Variants in CDK5RAP2 observed in about 807,000 individuals in gnomAD.
CDK5RAP2 encodes the protein CDK5 regulatory subunit associated protein 2, also known as CDK5 regulatory subunit-associated protein 2.
In CDK5RAP2, 147 loss-of-function variants were observed where a neutral mutation model predicts 232.9. That is an observed-to-expected ratio of 0.63 (90% CI 0.55 to 0.72). The LOEUF (loss-of-function observed/expected upper bound fraction) is 0.72. Among genes scored for constraint, CDK5RAP2 ranks in the 30% least tolerant of loss-of-function variants. CDK5RAP2 has a pLI of 0.00. For missense variants in CDK5RAP2, 2,195 were observed against 2,231.5 expected (o/e 0.98, Z 0.33); for synonymous variants, 833 against 833.7 (o/e 1.00, Z 0.01).
chr9:120,507,683 C>G (rs1015376654), intron 12 of CDK5RAP2, among the ~76,000 whole-genome samples: 4 of 151,632 alleles, frequency 2.6e-5, no homozygotes, highest in Non-Finnish European at 1.5e-5. Flanking sequence ...TGCTTCTGAA[C>G]AAAGGGTTTA....
At chr9:120,477,281 G>A in intron 15 of CDK5RAP2, 69 bp downstream of exon 15, 1 of 1,094,378 alleles carries the variant, frequency 9.1e-7, no homozygotes, top group Non-Finnish European at 1.4e-6. Context: ...GAAAGGGTGT[G>A]TGCGTGTATG....
At chr9:120,555,138 G>A (rs1564373010) in intron 3 of CDK5RAP2, among the ~76,000 whole-genome samples, 1 of 150,456 alleles carries the variant, frequency 6.6e-6, no homozygotes, top group South Asian at 2.1e-4. Context: ...ATTTTTTTGG[G>A]GGGGGGTGGG....
intron 36 of CDK5RAP2, among the ~76,000 whole-genome samples, chr9:120,393,575 C>G (rs907106041): frequency 1.3e-5 from 2 of 152,228 alleles, no homozygotes; most frequent in Non-Finnish European, 2.9e-5. Context: ...GACAGGGAAA[C>G]TGACACACAG....
rs1310829573 is a variant in CDK5RAP2 at position 120,460,610 on chromosome 9, T to C, written c.2164A>G (p.Asn722Asp). 1 of 1,614,144 alleles carries C rather than the reference T, an allele frequency of 6.2e-7. No homozygotes were observed. The highest frequency in any genetic ancestry group is 1.7e-5 in the Admixed American group (1 of 60,018). Residue 722 changes from asparagine to aspartate, a missense_variant, in exon 19 of 38, where the codon AAT (asparagine) becomes GAT (aspartate). Physicochemically the swap from Asn to Asp is conservative, Grantham distance 23. Transcript: ENST00000349780. ...TIKIGEDDEI[N>D]FLSDQHLQQS... is the part of the protein sequence containing the mutation. ...TGCAAATGCTGGTCACTCAGGAAATTAATCTCGTCATCCTCCCCAATTTTG... is the reference window on the plus strand; with the variant it reads ...TGCAAATGCTGGTCACTCAGGAAATCAATCTCGTCATCCTCCCCAATTTTG...
In CDK5RAP2 at chr9:120,417,554, A is replaced by G. The variant is rs114562917; in HGVS notation, c.4177+2234T>C. 8.3e-3 allele frequency among the ~76,000 whole-genome samples: 1,270 copies of G among 152,360 alleles called. 17 individuals carry two copies. Among genetic ancestry groups the G allele is most frequent in the African/African-American group, 0.029 (1,206 of 41,576 alleles). ...TGAGAAGGGGACATAAATGCTTAGCAGCAATCGAAACATGCCATCTTCCAC... is the reference window on the plus strand; with the variant it reads ...TGAGAAGGGGACATAAATGCTTAGCGGCAATCGAAACATGCCATCTTCCAC... On this transcript the variant is annotated intron_variant, in intron 27 of 37. Coordinates refer to ENST00000349780, the MANE Select transcript of CDK5RAP2 (RefSeq NM_018249.6).
intron 31 of CDK5RAP2, 107 bp downstream of exon 31, chr9:120,408,240 G>A: frequency 7.5e-7 from 1 of 1,329,952 alleles, no homozygotes; most frequent in East Asian, 2.3e-5. Flanking sequence ...TACCCACAAG[G>A]CCAGAGTGGA....
At chr9:120,511,733 T>C (rs1055793425) in intron 12 of CDK5RAP2, among the ~76,000 whole-genome samples, 10 of 147,182 alleles carry the variant, frequency 6.8e-5, no homozygotes, top group African/African-American at 2.5e-4. Flanking sequence ...TATCACAACA[T>C]GCTTTTTTTT....
chr9:120,530,555 A>G lies in CDK5RAP2; in HGVS notation c.663-415T>C, dbSNP rs561891066. On this transcript the variant is annotated intron_variant, in intron 7 of 37. Transcript: ENST00000349780. ...GTGGAAAAAACGGAATGTCTTGCCA[A>G]GACTTCTCAGGGCAAAGTTTAAAAA... is the stretch of plus-strand genomic sequence containing the variant. Among the ~76,000 whole-genome samples the G allele has an allele frequency of 1.1e-3, 164 of 152,326 alleles. 2 individuals are homozygous for G. The highest frequency in any genetic ancestry group is 3.6e-3 in the African/African-American group (151 of 41,578).
intron 14 of CDK5RAP2, among the ~76,000 whole-genome samples, chr9:120,486,908 C>T (rs931698258): frequency 2.0e-5 from 3 of 152,114 alleles, no homozygotes; most frequent in Non-Finnish European, 2.9e-5. Flanking sequence ...TTGCTGGCGA[C>T]GAAAGAAAAT....
At chr9:120,483,300 G>C (rs889438570) in intron 14 of CDK5RAP2, among the ~76,000 whole-genome samples, 1 of 152,238 alleles carries the variant, frequency 6.6e-6, no homozygotes, top group Non-Finnish European at 1.5e-5. Context: ...TCCTTTGTGA[G>C]CCAGGCCCTC....
intron 37 of CDK5RAP2, 152 bp from the exon 38 acceptor site, chr9:120,389,444 A>G (rs1461471225): frequency 4.2e-6 from 3 of 709,198 alleles, no homozygotes; most frequent in Admixed American, 4.1e-5. Flanking sequence ...AACAACGATG[A>G]GATCATACTG....
At chr9:120,540,839 C>A (rs749159041) in intron 5 of CDK5RAP2, among the ~76,000 whole-genome samples, 1 of 152,256 alleles carries the variant, frequency 6.6e-6, no homozygotes, top group Non-Finnish European at 1.5e-5. Context: ...CCTCTGAGGC[C>A]CACACAGCAC....
intron 12 of CDK5RAP2, among the ~76,000 whole-genome samples, chr9:120,499,742 T>C (rs1171384285): frequency 6.6e-6 from 1 of 152,132 alleles, no homozygotes; most frequent in East Asian, 1.9e-4. Context: ...TTAACAGAAT[T>C]CTAAAGCTAA....
In CDK5RAP2 at chr9:120,411,374, G is replaced by A. The variant is rs765853455; in HGVS notation, c.4398C>T (p.Leu1466=). The change falls in exon 29 of 38, where the codon CTC becomes CTT. Residue 1466 remains leucine, a synonymous_variant. Transcript: ENST00000349780. ...AACTCTTACCTCTGGATCCTTTAAT[G>A]AGCATTGCATTGAGGGCCTGGTTCT... ...RKQNQALNAM[L]IKGSRDKQKE... 3 of 1,596,092 alleles carry A rather than the reference G, an allele frequency of 1.9e-6. No individual in the cohort carries two copies. Among genetic ancestry groups the A allele is most frequent in the Non-Finnish European group, 1.7e-6 (2 of 1,163,680 alleles).
chr9:120,436,935 A>T lies in CDK5RAP2; in HGVS notation c.3955+360T>A, dbSNP rs540404315. Among the ~76,000 whole-genome samples, 101 of 152,326 alleles carry T rather than the reference A, an allele frequency of 6.6e-4. 2 individuals are homozygous for T. Among genetic ancestry groups the T allele is most frequent in the African/African-American group, 1.5e-3 (63 of 41,570 alleles). On this transcript the variant is annotated intron_variant, in intron 25 of 37. Coordinates refer to ENST00000349780, the MANE Select transcript of CDK5RAP2 (RefSeq NM_018249.6). Reference sequence around the variant, plus strand: ...TAAAACACATGAGTTTTCACAAAAAAAAATAAATAAATAAAAAATCCCATC... The same window carrying T: ...TAAAACACATGAGTTTTCACAAAAATAAATAAATAAATAAAAAATCCCATC...
At chr9:120,570,684 C>T (rs974626904) in intron 2 of CDK5RAP2, among the ~76,000 whole-genome samples, 1 of 151,418 alleles carries the variant, frequency 6.6e-6, no homozygotes, top group Non-Finnish European at 1.5e-5. Context: ...ACTAAAAATA[C>T]AAAAATTAGC....
chr9:120,502,569 C>T (rs2039624775), intron 12 of CDK5RAP2, among the ~76,000 whole-genome samples: 1 of 152,214 alleles, frequency 6.6e-6, no homozygotes, highest in Non-Finnish European at 1.5e-5. Context: ...TACTAACGTG[C>T]CACATTTCTC....
At chr9:120,536,572 G>C in intron 6 of CDK5RAP2, 46 bp from the exon 7 acceptor site, 1 of 1,577,434 alleles carries the variant, frequency 6.3e-7, no homozygotes, top group African/African-American at 1.3e-5. Flanking sequence ...CAATACAATT[G>C]GGAACATTTT....
Position 120,389,305 on chromosome 9 carries a change from AG to A in CDK5RAP2, c.5626-14del, listed in dbSNP as rs779838294. 1.2e-6 allele frequency: 2 copies of A among 1,609,366 alleles called. No homozygotes were observed. The highest frequency in any genetic ancestry group is 1.1e-5 in the South Asian group (1 of 90,238). ...CCCCAGGCCTAAGCTAGGAAAAGGAAGAAAAAAAAGGAGAATTTTAAGTCCA... is the reference window on the plus strand; with the variant it reads ...CCCCAGGCCTAAGCTAGGAAAAGGAAAAAAAAAAGGAGAATTTTAAGTCCA... On this transcript the variant is annotated splice_polypyrimidine_tract_variant and intron_variant, in intron 37 of 37. Transcript: ENST00000349780.
Sources: gnomAD v4.1 joint callset for allele counts (sites outside exome capture counted in the v4.1 genomes callset) on GRCh38, gnomAD v4.1.1 for gene constraint, MANE v1.5 for transcripts, NCBI Gene and HGNC (gene_info 2026-07-23, HGNC 2026-07-21) for gene names.